JMJD1C: variants seen among roughly 807,000 people sequenced by gnomAD.
The protein encoded by JMJD1C is jumonji domain containing 1C.
Under a neutral mutation model 245.3 loss-of-function variants are expected in JMJD1C, and 31 were observed. That is an observed-to-expected ratio of 0.13 (90% confidence interval 0.09 to 0.17). The LOEUF is 0.17. Ranked by LOEUF, JMJD1C falls within the 10% of genes least tolerant of loss-of-function variation. The probability of loss-of-function intolerance (pLI) is 1.00; values close to 1 mark genes in which losing one functional copy is unlikely to be tolerated. For synonymous variants in JMJD1C, 1,057 were observed against 1,017.4 expected (o/e 1.04, Z -0.74); for missense variants, 2,691 against 3,000.2 (o/e 0.90, Z 2.41).
At chr10:63,209,915 T>G (rs560114943) in intron 8 of JMJD1C, among the ~76,000 whole-genome samples, 1 of 152,326 alleles carries the variant, frequency 6.6e-6, no homozygotes, top group East Asian at 1.9e-4. Context: ...TTAAGGATTT[T>G]TCTATATTCT....
intron 2 of JMJD1C, among the ~76,000 whole-genome samples, chr10:63,266,607 C>T (rs186554403): frequency 1.3e-5 from 2 of 152,108 alleles, no homozygotes; most frequent in African/African-American, 4.8e-5. Flanking sequence ...CTAGAAAACA[C>T]TGGCATCTTC....
rs1180371608 is a variant in JMJD1C, at chr10:63,206,624, C to T, written c.5045G>A (p.Ser1682Asn). 3 of 1,596,114 alleles carry T rather than the reference C, an allele frequency of 1.9e-6. No individual in the cohort carries two copies. The highest frequency in any genetic ancestry group is 2.6e-6 in the Non-Finnish European group (3 of 1,174,868). Residue 1682 changes from serine (S) to asparagine (N), a missense_variant, in exon 10 of 26, where the codon AGT becomes AAT. Transcript: ENST00000399262. Reference protein sequence around the residue: ...GVLSRSAKERSKLKLQSNSNT... With the variant: ...GVLSRSAKERNKLKLQSNSNT... ...ACTGTTGCTTTGCAACTTCAGTTTA[C>T]TTCTTTCTTTGGCACTCCTGCTGAG...
At chr10:63,185,807 T>A (rs757910065) in intron 19 of JMJD1C, among the ~76,000 whole-genome samples, 154 bp from the exon 20 acceptor site, 1 of 152,260 alleles carries the variant, frequency 6.6e-6, no homozygotes, top group Admixed American at 6.5e-5. Context: ...TATGTACTTA[T>A]GTAGTATTAA....
At chr10:63,499,448 G>GCACTAAAAAGTAGA (rs1218089599) in intron 1 of JMJD1C, among the ~76,000 whole-genome samples, 10 of 152,154 alleles carry the variant, frequency 6.6e-5, no homozygotes, top group African/African-American at 2.4e-4. Context: ...TTTAGTGGAT[G>GCACTAAAAAGTAGA]CACTAAAAAG....
At chr10:63,479,141 C>T (rs1013253513) in intron 1 of JMJD1C, among the ~76,000 whole-genome samples, 5 of 151,836 alleles carry the variant, frequency 3.3e-5, no homozygotes, top group African/African-American at 1.2e-4. Context: ...ACACTTTTTA[C>T]GTATTATATA....
intron 1 of JMJD1C, among the ~76,000 whole-genome samples, chr10:63,444,742 C>G (rs576773647): frequency 6.6e-6 from 1 of 151,728 alleles, no homozygotes; most frequent in Non-Finnish European, 1.5e-5. Flanking sequence ...TCTCCTGCCT[C>G]AGCCTCCTGA....
intron 3 of JMJD1C, among the ~76,000 whole-genome samples, chr10:63,229,024 T>C (rs1040717020): frequency 1.3e-5 from 2 of 152,052 alleles, no homozygotes; most frequent in Non-Finnish European, 2.9e-5. Context: ...TCAAGTAAAG[T>C]AAAAATGAGA....
chr10:63,332,351 T>C (rs1942250013), intron 2 of JMJD1C, among the ~76,000 whole-genome samples: 1 of 152,218 alleles, frequency 6.6e-6, no homozygotes. Context: ...ACCAACTCTA[T>C]ATTGATATAA....
chr10:63,337,403 C>T (rs1564803750), intron 2 of JMJD1C, among the ~76,000 whole-genome samples: 1 of 126,248 alleles, frequency 7.9e-6, no homozygotes, highest in African/African-American at 3.0e-5. Context: ...GGTCTTGCCA[C>T]TGTACTCTAA....
chr10:63,317,536 T>TACACAC (rs542075558), intron 2 of JMJD1C, among the ~76,000 whole-genome samples: 218 of 151,458 alleles, frequency 1.4e-3, no homozygotes, highest in African/African-American at 5.2e-3. Flanking sequence ...CTAAGCCTAC[T>TACACAC]ACACACACAC....
At chr10:63,504,405 C>T (rs925159204) in intron 1 of JMJD1C, among the ~76,000 whole-genome samples, 9 of 152,134 alleles carry the variant, frequency 5.9e-5, no homozygotes, top group East Asian at 3.9e-4. Context: ...GGAGTCACCA[C>T]GGAATCTGAA....
At chr10:63,332,674 A>G (rs963859283) in intron 2 of JMJD1C, among the ~76,000 whole-genome samples, 7 of 152,280 alleles carry the variant, frequency 4.6e-5, no homozygotes, top group African/African-American at 1.4e-4. Flanking sequence ...AATAGTATCA[A>G]TGATGATAAT....
At chr10:63,380,041 G>A (rs1168695268) in intron 2 of JMJD1C, among the ~76,000 whole-genome samples, 6 of 150,666 alleles carry the variant, frequency 4.0e-5, no homozygotes, top group African/African-American at 4.9e-5. Context: ...TTGGGCTCAC[G>A]TGATCCTCCC....
intron 2 of JMJD1C, among the ~76,000 whole-genome samples, chr10:63,317,041 G>C (rs548248179): frequency 3.3e-5 from 5 of 151,808 alleles, no homozygotes; most frequent in Non-Finnish European, 5.9e-5. Context: ...TGTATTTTTA[G>C]AAGAGACGGG....
chr10:63,449,117 AAAAATAAAATAAAAT>A (rs367691693), intron 1 of JMJD1C, among the ~76,000 whole-genome samples: 2 of 151,974 alleles, frequency 1.3e-5, no homozygotes, highest in Non-Finnish European at 2.9e-5. Context: ...ACTCCGTCTC[AAAAATAAAATAAAAT>A]AAAATAAAAT....
intron 2 of JMJD1C, among the ~76,000 whole-genome samples, chr10:63,321,230 T>C (rs1258001962): frequency 6.6e-6 from 1 of 152,204 alleles, no homozygotes; most frequent in Non-Finnish European, 1.5e-5. Flanking sequence ...TCGGTAAACA[T>C]AATAAGTAAA....
At chr10:63,450,625 A>AT (rs1952000747) in intron 1 of JMJD1C, among the ~76,000 whole-genome samples, 1 of 152,192 alleles carries the variant, frequency 6.6e-6, no homozygotes, top group Non-Finnish European at 1.5e-5. Flanking sequence ...CAAAGTCAAC[A>AT]TTTTTTCATA....
At chr10:63,290,739 C>T (rs987709075) in intron 2 of JMJD1C, among the ~76,000 whole-genome samples, 2 of 152,026 alleles carry the variant, frequency 1.3e-5, no homozygotes, top group African/African-American at 2.4e-5. Context: ...TAGCAAAATG[C>T]TTGCAATTTT....
At chr10:63,191,467 A>G (rs1476968499) in intron 16 of JMJD1C, among the ~76,000 whole-genome samples, 2 of 152,168 alleles carry the variant, frequency 1.3e-5, no homozygotes, top group African/African-American at 4.8e-5. Context: ...GCATGGTGCT[A>G]AAGTACAGAC....
Sources: gnomAD v4.1 joint callset for allele counts (sites outside exome capture counted in the v4.1 genomes callset) on GRCh38, gnomAD v4.1.1 for gene constraint, MANE v1.5 for transcripts, NCBI Gene and HGNC (gene_info 2026-07-23, HGNC 2026-07-21) for gene names.